The following RFK variants were observed in gnomAD, a reference collection of about 807,000 sequenced individuals.
The protein encoded by RFK is riboflavin kinase.
Under a neutral mutation model 17.6 loss-of-function variants are expected in RFK, and 4 were observed. The ratio of observed to expected loss-of-function variants is 0.23; its 90% CI spans 0.11 to 0.52. RFK has a LOEUF of 0.52. Ranked by LOEUF, RFK falls within the 20% of genes least tolerant of loss-of-function variation. The pLI is 0.96. For missense variants in RFK, 189 were observed against 187.7 expected (o/e 1.01, Z -0.04); for synonymous variants, 59 against 63.8 (o/e 0.92, Z 0.36).
chr9:76,394,026 GC>G, intron 1 of RFK, 63 bp downstream of exon 1: 1 of 1,482,356 alleles, frequency 6.7e-7, no homozygotes, highest in Non-Finnish European at 9.1e-7. Context: ...CAAGTCCCCG[GC>G]TGCCGTCTCT....
chr9:76,388,751 A>G (rs1822777058), intron 2 of RFK, 95 bp from the exon 3 acceptor site: 1 of 718,108 alleles, frequency 1.4e-6, no homozygotes, highest in South Asian at 1.8e-5. Flanking sequence ...AATTTAAATG[A>G]AACAATCAAC....
Position 76,394,255 on chromosome 9 carries a change from C to CCGG in RFK, c.-85_-84insCCG. ...GTCGACGCGGCGCCCAGACCCCGGA[C>CCGG]CAGCCGGGGGACAGGAGCGTGAGCT... is the stretch of plus-strand genomic sequence containing the variant. On this transcript the variant is annotated 5_prime_UTR_variant, in exon 1 of 4. Coordinates refer to ENST00000376736, the MANE Select transcript of RFK (RefSeq NM_018339.6). 1 of 1,396,956 alleles carries CCGG rather than the reference C, an allele frequency of 7.2e-7. No individual in the cohort carries two copies. Among genetic ancestry groups the CCGG allele is most frequent in the East Asian group, 2.7e-5 (1 of 37,510 alleles). 86.5% of individuals were successfully genotyped at this position (1,396,956 alleles called of 1,614,324 possible).
Position 76,387,435 on chromosome 9 carries a change from G to T in RFK, c.432C>A (p.Phe144Leu). The T allele has an allele frequency of 3.1e-6, 5 of 1,610,552 alleles. No individual in the cohort carries two copies. Among genetic ancestry groups the T allele is most frequent in the Non-Finnish European group, 4.2e-6 (5 of 1,179,180 alleles). The change falls in exon 4 of 4, where the codon TTC (phenylalanine) becomes TTA (leucine). Residue 144 changes from phenylalanine (F) to leucine (L), a missense_variant. Physicochemically the swap from Phe to Leu is conservative, Grantham distance 22. This residue lies in a region of RFK where 95 missense variants were observed against 95.7 expected (regional missense o/e 0.99). Transcript: ENST00000376736. ...TCATTATTTTGCTTTTAGAAACCTG[G>T]AAGAAATTGTCTTCTTTGATTTTCA... ...EHLKIKEDNF[F>L]QVSKSKIMNG...
chr9:76,393,219 T>C (rs1023926444), intron 1 of RFK, among the ~76,000 whole-genome samples: 1 of 151,590 alleles, frequency 6.6e-6, no homozygotes, highest in African/African-American at 2.4e-5. Context: ...TTTTTTTTTT[T>C]TTTTTGAGAC....
rs11548954 is a variant in RFK at position 76,394,288 on chromosome 9, C to T, written c.-117G>A. ...GGGACAGGAGCGTGAGCTCTGCCTGCCGCGGGGGCGCACCAGTGGCCGGAC... is the reference window on the plus strand; with the variant it reads ...GGGACAGGAGCGTGAGCTCTGCCTGTCGCGGGGGCGCACCAGTGGCCGGAC... On this transcript the variant is annotated 5_prime_UTR_variant, in exon 1 of 4. Coordinates refer to ENST00000376736, the MANE Select transcript of RFK (RefSeq NM_018339.6). 0.33 allele frequency: 322,879 copies of T among 981,368 alleles called. 56,944 individuals carry two copies. Among genetic ancestry groups the T allele is most frequent in the Non-Finnish European group, 0.36 (253,029 of 697,452 alleles). 60.8% of individuals were successfully genotyped at this position (981,368 alleles called of 1,614,324 possible).
In RFK at chr9:76,394,254, A is replaced by G; in HGVS notation, c.-83T>C. 1 of 1,403,704 alleles carries G rather than the reference A, an allele frequency of 7.1e-7. No homozygotes were observed. The highest frequency in any genetic ancestry group is 9.7e-7 in the Non-Finnish European group (1 of 1,032,024). 87.0% of individuals were successfully genotyped at this position (1,403,704 alleles called of 1,614,324 possible). The stretch of plus-strand genomic sequence containing the variant: ...CGTCGACGCGGCGCCCAGACCCCGG[A>G]CCAGCCGGGGGACAGGAGCGTGAGC... On this transcript the variant is annotated 5_prime_UTR_variant, in exon 1 of 4. Coordinates refer to ENST00000376736, the MANE Select transcript of RFK (RefSeq NM_018339.6).
At chr9:76,390,594 G>T (rs1822805822) in intron 2 of RFK, among the ~76,000 whole-genome samples, 1 of 151,920 alleles carries the variant, frequency 6.6e-6, no homozygotes, top group South Asian at 2.1e-4. Flanking sequence ...AGCCCAGAAA[G>T]TTGAGGCTGC....
intron 3 of RFK, 87 bp from the exon 4 acceptor site, chr9:76,387,616 C>T: frequency 2.3e-6 from 3 of 1,299,514 alleles, no homozygotes; most frequent in Non-Finnish European, 3.2e-6. Flanking sequence ...CCTAAAAACT[C>T]ACAGGCTGGC....
rs776498846 is a variant in RFK at position 76,387,177 on chromosome 9, TA to T, written c.*221del. 2.0e-4 allele frequency: 82 copies of T among 410,750 alleles called. No individual in the cohort carries two copies. Among genetic ancestry groups the T allele is most frequent in the Non-Finnish European group, 3.2e-4 (73 of 227,882 alleles). 25.4% of individuals were successfully genotyped at this position (410,750 alleles called of 1,614,324 possible). A position where few individuals can be genotyped will look rare whatever the true frequency, so the allele number is the denominator to read the frequency against. ...CTAGTGGTACATTTTAATCAATATA[TA>T]TTTTTTAAATCTTATTTTTAACTCA... On this transcript the variant is annotated 3_prime_UTR_variant, in exon 4 of 4. Coordinates refer to ENST00000376736, the MANE Select transcript of RFK (RefSeq NM_018339.6).
chr9:76,387,541 A>C lies in RFK; in HGVS notation c.338-12T>G, dbSNP rs752172525. The C allele has an allele frequency of 1.3e-6, 2 of 1,596,722 alleles. No homozygotes were observed. The highest frequency in any genetic ancestry group is 1.1e-5 in the South Asian group (1 of 89,184). ...TGAAATAAGTGACTCTGCAGAGAGA[A>C]TATACCAGGTAAAAATGATGAAAAA... On this transcript the variant is annotated splice_polypyrimidine_tract_variant and intron_variant, in intron 3 of 3. Transcript: ENST00000376736.
intron 1 of RFK, among the ~76,000 whole-genome samples, 170 bp from the exon 2 acceptor site, chr9:76,392,739 C>T (rs1378601500): frequency 6.6e-6 from 1 of 152,118 alleles, no homozygotes; most frequent in East Asian, 1.9e-4. Context: ...GAGATCTTAC[C>T]TCTATTAAAA....
At chr9:76,392,264 A>T (rs1011170603) in intron 2 of RFK, among the ~76,000 whole-genome samples, 154 bp downstream of exon 2, 1 of 152,190 alleles carries the variant, frequency 6.6e-6, no homozygotes, top group Non-Finnish European at 1.5e-5. Context: ...AAATGAATTA[A>T]ACTCTCCAAT....
At position 76,390,755 on chromosome 9, in the gene RFK, T is replaced by G. The variant is rs186425122; in HGVS notation, c.234+1663A>C. On this transcript the variant is annotated intron_variant, in intron 2 of 3. Coordinates refer to ENST00000376736, the MANE Select transcript of RFK (RefSeq NM_018339.6). ...ACACACACACACAATGAAAGAAATT[T>G]GTAATACAACAATACACAGTTCCAA... is the stretch of plus-strand genomic sequence containing the variant. Among the ~76,000 whole-genome samples, 382 of 147,362 alleles carry G rather than the reference T, an allele frequency of 2.6e-3. 1 individual carries two copies. The highest frequency in any genetic ancestry group is 9.1e-3 in the African/African-American group (371 of 40,644).
Position 76,390,478 on chromosome 9 carries a change from A to C in RFK, c.235-1822T>G, listed in dbSNP as rs1333916985. Among the ~76,000 whole-genome samples, 3 of 152,140 alleles carry C rather than the reference A, an allele frequency of 2.0e-5. No individual in the cohort carries two copies. In the East Asian group the frequency reaches 5.8e-4, roughly 29 times the overall value. Reference sequence around the variant, plus strand: ...CAAAAGTTTGAGACCAGTCTGTGTAACATGCTGAAATCTCATCTCTATAAA... The same window carrying C: ...CAAAAGTTTGAGACCAGTCTGTGTACCATGCTGAAATCTCATCTCTATAAA... On this transcript the variant is annotated intron_variant, in intron 2 of 3. Transcript: ENST00000376736.
chr9:76,385,852 CAAGTAT>C lies in RFK; in HGVS notation c.*1541_*1546del, dbSNP rs777993681. ...AGCCACTGATAATTGAGGTTTCTTT[CAAGTAT>C]AAGATTTCTAAAATTAAAAACTGTT... On this transcript the variant is annotated 3_prime_UTR_variant, in exon 4 of 4. Coordinates refer to ENST00000376736, the MANE Select transcript of RFK (RefSeq NM_018339.6). The C allele has an allele frequency of 7.2e-5, 11 of 152,230 alleles. No homozygotes were observed. The highest frequency in any genetic ancestry group is 1.3e-4 in the Admixed American group (2 of 15,294). 9.4% of individuals were successfully genotyped at this position (152,230 alleles called of 1,614,324 possible). A position where few individuals can be genotyped will look rare whatever the true frequency, so the allele number is the denominator to read the frequency against.
intron 2 of RFK, among the ~76,000 whole-genome samples, chr9:76,390,965 C>G (rs1408225015): frequency 6.6e-6 from 1 of 151,834 alleles, no homozygotes; most frequent in Non-Finnish European, 1.5e-5. Context: ...TCAATTTTTC[C>G]TAACACTCAA....
At chr9:76,394,044 T>C in intron 1 of RFK, 46 bp downstream of exon 1, 1 of 1,539,314 alleles carries the variant, frequency 6.5e-7, no homozygotes. Flanking sequence ...CTCTCCCCGC[T>C]CCCCACGTGA....
At chr9:76,387,985 A>C (rs769179537) in intron 3 of RFK, 6 of 272,540 alleles carry the variant, frequency 2.2e-5, no homozygotes, top group Non-Finnish European at 4.3e-5. Flanking sequence ...AACAAAGAGC[A>C]AAACTCTGTC....
intron 1 of RFK, chr9:76,393,575 G>A (rs1281121971): frequency 6.5e-6 from 1 of 152,874 alleles, no homozygotes; most frequent in Non-Finnish European, 1.5e-5. Context: ...GCTCTGGCAT[G>A]TATTTCTAAG....
Sources: allele counts gnomAD v4.1 joint callset (sites outside exome capture counted in the v4.1 genomes callset), GRCh38; gene constraint gnomAD v4.1.1; regional missense constraint gnomAD v4.1.1; transcripts MANE v1.5; gene names NCBI Gene and HGNC (gene_info 2026-07-23, HGNC 2026-07-21).